SSH2: variants seen among roughly 807,000 people sequenced by gnomAD.
SSH2 encodes slingshot protein phosphatase 2.
SSH2 carries 37 observed loss-of-function variants against 135.2 expected under a neutral mutation model. The observed-to-expected ratio is 0.27, with a 90% CI of 0.21 to 0.36. The LOEUF (loss-of-function observed/expected upper bound fraction) is 0.36. SSH2 is among the 10% of genes least tolerant of loss of function. The pLI, the probability that SSH2 is intolerant of heterozygous loss-of-function variation, is 1.00. For missense variants in SSH2, 1,408 were observed against 1,765.3 expected (o/e 0.80, Z 3.63); for synonymous variants, 628 against 646.2 (o/e 0.97, Z 0.43).
At chr17:29,733,653 G>A (rs1168714185) in intron 3 of SSH2, among the ~76,000 whole-genome samples, 1 of 151,796 alleles carries the variant, frequency 6.6e-6, no homozygotes, top group Non-Finnish European at 1.5e-5. Flanking sequence ...ACTTAACATA[G>A]TTCATATGCA....
chr17:29,717,351 G>C (rs143978389), intron 3 of SSH2, among the ~76,000 whole-genome samples: 1 of 152,148 alleles, frequency 6.6e-6, no homozygotes, highest in Non-Finnish European at 1.5e-5. Context: ...GCCCAAGCTG[G>C]TCTAGAACTT....
intron 3 of SSH2, among the ~76,000 whole-genome samples, chr17:29,717,051 A>G (rs1196077071): frequency 1.3e-5 from 2 of 152,160 alleles, no homozygotes; most frequent in Admixed American, 1.3e-4. Context: ...TTCCAGTTCC[A>G]TATCCTTTGT....
At chr17:29,894,843 A>G (rs1049420821) in intron 1 of SSH2, among the ~76,000 whole-genome samples, 6 of 151,694 alleles carry the variant, frequency 4.0e-5, no homozygotes, top group Non-Finnish European at 8.8e-5. Flanking sequence ...CCTTCCCCCA[A>G]TTAAGTAACT....
Position 29,848,865 on chromosome 17 carries a change from A to G in SSH2, c.128T>C (p.Ile43Thr), listed in dbSNP as rs2065494424. The change falls in exon 2 of 16, where the codon ATC becomes ACC. Residue 43 changes from isoleucine (I) to threonine (T), a missense_variant. Coordinates refer to ENST00000540801, the MANE Select transcript of SSH2 (RefSeq NM_001282129.2). ...CCTACGTACATTGGAATCAGTAAAG[A>G]TTTCTGATTCTTCACATTCACAGCA... Reference protein sequence around the residue: ...LLCCECEESEIFTDSNEADSG... With the variant: ...LLCCECEESETFTDSNEADSG... 1.3e-6 allele frequency: 2 copies of G among 1,530,776 alleles called. No homozygotes were observed. The highest frequency in any genetic ancestry group is 2.4e-5 in the East Asian group (1 of 40,874). The allele number at this position is 1,530,776 out of a possible 1,614,324, so 94.8% of individuals were successfully genotyped here. A position where few individuals can be genotyped will look rare whatever the true frequency, so the allele number is the denominator to read the frequency against.
At chr17:29,814,156 C>T (rs1021898127) in intron 2 of SSH2, among the ~76,000 whole-genome samples, 1 of 121,740 alleles carries the variant, frequency 8.2e-6, no homozygotes, top group Non-Finnish European at 1.6e-5. Flanking sequence ...AAAAAAAAGG[C>T]CGGGCACGGT....
chr17:29,757,941 G>A (rs1473209697), intron 3 of SSH2, among the ~76,000 whole-genome samples: 5 of 151,912 alleles, frequency 3.3e-5, no homozygotes, highest in Non-Finnish European at 7.4e-5. Flanking sequence ...CAGCTACACA[G>A]AAGTTGAAGC....
chr17:29,761,058 T>C (rs899357938), intron 3 of SSH2: 80 of 1,244,850 alleles, frequency 6.4e-5, no homozygotes, highest in Non-Finnish European at 7.6e-5. Flanking sequence ...CCTCGCTTGA[T>C]TGTTTGCTCC....
chr17:29,695,379 G>C (rs2038683097), intron 5 of SSH2, 80 bp downstream of exon 5: 8 of 1,040,180 alleles, frequency 7.7e-6, no homozygotes, highest in Non-Finnish European at 1.0e-5. Context: ...ACTGTGTTGG[G>C]ATGTAAAAAT....
At chr17:29,710,902 T>C (rs1337845179) in intron 3 of SSH2, among the ~76,000 whole-genome samples, 1 of 152,180 alleles carries the variant, frequency 6.6e-6, no homozygotes, top group East Asian at 1.9e-4. Context: ...CAAACTCATA[T>C]ATTGTAATGT....
At chr17:29,758,861 A>C (rs565385557) in intron 3 of SSH2, among the ~76,000 whole-genome samples, 1 of 151,772 alleles carries the variant, frequency 6.6e-6, no homozygotes, top group Non-Finnish European at 1.5e-5. Flanking sequence ...TAATCCTCCT[A>C]CCTCAGCCTC....
chr17:29,819,050 C>T (rs9915270), intron 2 of SSH2, among the ~76,000 whole-genome samples: 74,897 of 151,716 alleles, frequency 0.49, 18,899 homozygotes, highest in East Asian at 0.69. Flanking sequence ...AACATGGAGA[C>T]ACCCCGTCTC....
intron 1 of SSH2, among the ~76,000 whole-genome samples, chr17:29,889,995 G>A (rs2151442760): frequency 6.6e-6 from 1 of 151,940 alleles, no homozygotes; most frequent in South Asian, 2.1e-4. Flanking sequence ...TAAAAAATGG[G>A]CAAAAGATCT....
intron 1 of SSH2, among the ~76,000 whole-genome samples, chr17:29,888,886 T>C (rs2066290604): frequency 8.2e-6 from 1 of 121,392 alleles, no homozygotes; most frequent in South Asian, 2.5e-4. Context: ...GCCATGATAG[T>C]GCACCACTTC....
At chr17:29,783,348 AT>A (rs939271592) in intron 3 of SSH2, among the ~76,000 whole-genome samples, 10 of 147,426 alleles carry the variant, frequency 6.8e-5, no homozygotes, top group African/African-American at 2.5e-4. Flanking sequence ...GTAAAGGAGA[AT>A]TTTTTAAGTA....
At chr17:29,782,448 C>G (rs928784394) in intron 3 of SSH2, among the ~76,000 whole-genome samples, 1 of 152,102 alleles carries the variant, frequency 6.6e-6, no homozygotes, top group Non-Finnish European at 1.5e-5. Flanking sequence ...AGTTTTCTTG[C>G]CTCCCCTCCC....
intron 1 of SSH2, among the ~76,000 whole-genome samples, chr17:29,889,043 T>TA (rs889019351): frequency 2.2e-4 from 33 of 149,564 alleles, no homozygotes; most frequent in Admixed American, 4.0e-4. Flanking sequence ...TTAGTTTTCT[T>TA]AAAAAAAAAT....
At chr17:29,885,854 T>C (rs967930141) in intron 1 of SSH2, among the ~76,000 whole-genome samples, 5 of 152,188 alleles carry the variant, frequency 3.3e-5, no homozygotes, top group Admixed American at 6.5e-5. Flanking sequence ...AGATGTCCTT[T>C]TGCTCTTCCT....
At position 29,646,549 on chromosome 17, in the gene SSH2, G is replaced by C. The variant is rs188733904; in HGVS notation, c.1427+1595C>G. Among the ~76,000 whole-genome samples the C allele has an allele frequency of 1.1e-4, 17 of 152,200 alleles. No homozygotes were observed. In the East Asian group the frequency reaches 3.1e-3, roughly 28 times the overall value. On this transcript the variant is annotated intron_variant, in intron 14 of 15. Transcript: ENST00000540801. ...GAGTCTCACTCTGTCGCCTAGGCCG[G>C]AGTGCAGTGGCGCGATCTCAACTCA...
chr17:29,843,419 G>A (rs1384844410), intron 2 of SSH2, among the ~76,000 whole-genome samples: 2 of 151,982 alleles, frequency 1.3e-5, no homozygotes, highest in Middle Eastern at 3.2e-3. Flanking sequence ...AGCCAGGCAT[G>A]GGTGGTGCAT....
Sources: gnomAD v4.1 joint callset for allele counts (sites outside exome capture counted in the v4.1 genomes callset) on GRCh38, gnomAD v4.1.1 for gene constraint, MANE v1.5 for transcripts, NCBI Gene and HGNC (gene_info 2026-07-23, HGNC 2026-07-21) for gene names.